The following CTNNA2 variants were observed in gnomAD, a reference collection of about 807,000 sequenced individuals.
CTNNA2 encodes the protein catenin alpha 2.
In CTNNA2, 42 loss-of-function variants were observed where a neutral mutation model predicts 101.0. That is an observed-to-expected ratio of 0.42 (90% CI 0.32 to 0.54). CTNNA2 has a LOEUF of 0.54. Ranked by LOEUF, CTNNA2 falls within the 20% of genes least tolerant of loss-of-function variation. CTNNA2 has a pLI of 0.14. For synonymous variants in CTNNA2, 450 were observed against 456.4 expected, an observed-to-expected ratio of 0.99 and a Z score of 0.18; for missense variants, 871 against 1,223.1, an observed-to-expected ratio of 0.71 and a Z score of 4.29.
intron 4 of CTNNA2, among the ~76,000 whole-genome samples, chr2:79,458,982 A>G (rs1224484469): frequency 6.6e-6 from 1 of 152,064 alleles, no homozygotes; most frequent in Non-Finnish European, 1.5e-5. Context: ...ATTCTTTCCC[A>G]TGAAAAAAAG....
chr2:79,824,650 TA>T (rs137977976), intron 3 of CTNNA2, among the ~76,000 whole-genome samples: 51,863 of 151,934 alleles, frequency 0.34, 9,399 homozygotes, highest in South Asian at 0.43. Flanking sequence ...TTACACAAGA[TA>T]TTTTTTAAAT....
intron 18 of CTNNA2, among the ~76,000 whole-genome samples, chr2:80,629,301 G>A (rs1003127585): frequency 1.3e-5 from 2 of 152,024 alleles, no homozygotes; most frequent in African/African-American, 2.4e-5. Context: ...GAGTCCTTGA[G>A]GAATCACCGA....
intron 7 of CTNNA2, among the ~76,000 whole-genome samples, chr2:80,167,876 A>C (rs981607154): frequency 6.6e-6 from 1 of 152,210 alleles, no homozygotes. Context: ...TTTCCAGTAG[A>C]GCCTTAGGAA....
At chr2:80,504,919 T>A (rs1427644510) in intron 9 of CTNNA2, among the ~76,000 whole-genome samples, 1 of 152,124 alleles carries the variant, frequency 6.6e-6, no homozygotes, top group Non-Finnish European at 1.5e-5. Context: ...AAATACGAGG[T>A]CATGAAGCAG....
chr2:80,160,904 T>C (rs1221432810), intron 7 of CTNNA2, among the ~76,000 whole-genome samples: 1 of 152,138 alleles, frequency 6.6e-6, no homozygotes, highest in African/African-American at 2.4e-5. Flanking sequence ...GTTTTTTTTT[T>C]TGGTAGATAC....
rs140260303 is a variant in CTNNA2, at chr2:80,387,956, A to G, written c.1057-5255A>G. On this transcript the variant is annotated intron_variant, in intron 7 of 18. Coordinates refer to ENST00000402739, the MANE Select transcript of CTNNA2 (RefSeq NM_001282597.3). ...GTTTTTTAATAACGATATTTATTAA[A>G]TGGCTATGTCTATTGCACACTCATT... Among the ~76,000 whole-genome samples, 525 of 152,350 alleles carry G rather than the reference A, an allele frequency of 3.4e-3. 4 individuals carry two copies. Among genetic ancestry groups the G allele is most frequent in the African/African-American group, 0.012 (498 of 41,574 alleles).
intron 4 of CTNNA2, among the ~76,000 whole-genome samples, chr2:79,385,762 C>A (rs951723072): frequency 6.6e-5 from 10 of 152,014 alleles, no homozygotes; most frequent in African/African-American, 2.4e-4. Flanking sequence ...CGACTCCCAC[C>A]TATGAGTGAG....
chr2:79,977,043 A>G (rs1018473714), intron 7 of CTNNA2, among the ~76,000 whole-genome samples: 3 of 152,214 alleles, frequency 2.0e-5, no homozygotes, highest in Non-Finnish European at 4.4e-5. Flanking sequence ...TTTCTGATTC[A>G]CACAGAGCTT....
At chr2:79,917,261 G>A (rs1288483856) in intron 7 of CTNNA2, among the ~76,000 whole-genome samples, 1 of 151,820 alleles carries the variant, frequency 6.6e-6, no homozygotes, top group Non-Finnish European at 1.5e-5. Context: ...AGTAGAGACG[G>A]GTTTCAGCAT....
intron 3 of CTNNA2, among the ~76,000 whole-genome samples, chr2:79,810,987 T>TA (rs1264786664): frequency 1.3e-5 from 2 of 151,470 alleles, no homozygotes; most frequent in East Asian, 1.9e-4. Context: ...GCAATAAACA[T>TA]ACGTGTGCAT....
At chr2:80,157,813 T>G (rs895012110) in intron 7 of CTNNA2, among the ~76,000 whole-genome samples, 2 of 152,098 alleles carry the variant, frequency 1.3e-5, no homozygotes, top group African/African-American at 4.8e-5. Flanking sequence ...TTACTGGTGT[T>G]CCACACTTCA....
intron 12 of CTNNA2, among the ~76,000 whole-genome samples, chr2:80,557,900 C>G (rs986717516): frequency 5.9e-5 from 9 of 152,072 alleles, no homozygotes; most frequent in Non-Finnish European, 7.4e-5. Flanking sequence ...TGTTGCTAAT[C>G]AAGATTTTTG....
intron 7 of CTNNA2, among the ~76,000 whole-genome samples, chr2:80,090,964 A>C (rs1350451042): frequency 6.6e-6 from 1 of 152,120 alleles, no homozygotes; most frequent in African/African-American, 2.4e-5. Context: ...AGAATGTTTT[A>C]AAATTGAAAG....
intron 9 of CTNNA2, among the ~76,000 whole-genome samples, chr2:80,543,391 T>G (rs1691751226): frequency 6.6e-6 from 1 of 152,290 alleles, no homozygotes; most frequent in African/African-American, 2.4e-5. Flanking sequence ...TTTTGAAAAC[T>G]AAGTAAAATA....
rs541191106 is a variant in CTNNA2, at chr2:79,766,877, T to TCC, written c.298+22297_298+22298dup. On this transcript the variant is annotated intron_variant, in intron 3 of 18. Transcript: ENST00000402739. ...TTCAAGTGATTCTCCTGCCTCAGCC[T>TCC]CCCAAGTAGCTGGGATTATAGACAC... Among the ~76,000 whole-genome samples the TCC allele has an allele frequency of 7.6e-4, 115 of 152,194 alleles. 1 individual carries two copies. In the South Asian group the frequency reaches 0.023, roughly 30 times the overall value.
intron 7 of CTNNA2, among the ~76,000 whole-genome samples, chr2:80,350,222 T>A (rs1673155316): frequency 6.6e-6 from 1 of 152,196 alleles, no homozygotes; most frequent in Non-Finnish European, 1.5e-5. Flanking sequence ...AAGTTTGGAA[T>A]CCTTGGCCCT....
Position 80,522,738 on chromosome 2 carries a change from C to G in CTNNA2, c.1291-22244C>G, listed in dbSNP as rs1689678536. On this transcript the variant is annotated intron_variant, in intron 9 of 18. Coordinates refer to ENST00000402739, the MANE Select transcript of CTNNA2 (RefSeq NM_001282597.3). ...CACGTGAAGACGGCTTGCTTTCCCCCTCACCTTCCTCCGTGATGGTGAGTT... is the reference window on the plus strand; with the variant it reads ...CACGTGAAGACGGCTTGCTTTCCCCGTCACCTTCCTCCGTGATGGTGAGTT... Among the ~76,000 whole-genome samples the G allele has an allele frequency of 2.0e-5, 3 of 152,196 alleles. 1 individual carries two copies. In the South Asian group the frequency reaches 6.2e-4, roughly 32 times the overall value.
At chr2:79,269,617 C>T (rs1359432723) in intron 2 of CTNNA2, among the ~76,000 whole-genome samples, 1 of 152,136 alleles carries the variant, frequency 6.6e-6, no homozygotes, top group African/African-American at 2.4e-5. Flanking sequence ...TTACCTCTTT[C>T]TTCACCTGGG....
At chr2:80,547,321 C>G (rs925078173) in intron 11 of CTNNA2, among the ~76,000 whole-genome samples, 1 of 152,074 alleles carries the variant, frequency 6.6e-6, no homozygotes, top group Non-Finnish European at 1.5e-5. Context: ...TGATTTAATT[C>G]TCATCAAAAT....
Sources: allele counts gnomAD v4.1 joint callset (sites outside exome capture counted in the v4.1 genomes callset), GRCh38; gene constraint gnomAD v4.1.1; transcripts MANE v1.5; gene names NCBI Gene and HGNC (gene_info 2026-07-23, HGNC 2026-07-21).